SUCLG1: variants seen among roughly 807,000 people sequenced by gnomAD.
The protein encoded by SUCLG1 is succinate--CoA ligase [ADP/GDP-forming] subunit alpha, mitochondrial.
Under a neutral mutation model 37.3 loss-of-function variants are expected in SUCLG1, and 26 were observed. The observed-to-expected ratio is 0.70, with a 90% CI of 0.51 to 0.97. The LOEUF (loss-of-function observed/expected upper bound fraction) is 0.97. Among genes scored for constraint, SUCLG1 ranks in the 50% least tolerant of loss-of-function variants. SUCLG1 has a pLI of 0.00. For synonymous variants in SUCLG1, 163 were observed against 155.6 expected (o/e 1.05, Z -0.36); for missense variants, 433 against 432.9 (o/e 1.00, Z 0.00).
At chr2:84,433,597 G>C (rs1672642113) in intron 5 of SUCLG1, 162 bp from the exon 6 acceptor site, 1 of 668,502 alleles carries the variant, frequency 1.5e-6, no homozygotes, top group African/African-American at 1.8e-5. Flanking sequence ...GAAATGAAAA[G>C]GAAAGGCTTA....
chr2:84,444,188 T>C (rs1398662940), intron 2 of SUCLG1, among the ~76,000 whole-genome samples: 1 of 152,184 alleles, frequency 6.6e-6, no homozygotes, highest in Non-Finnish European at 1.5e-5. Flanking sequence ...TCCTCTTCTC[T>C]TTCTCTCTCC....
chr2:84,455,882 C>T (rs2104271094), intron 1 of SUCLG1, among the ~76,000 whole-genome samples: 1 of 152,042 alleles, frequency 6.6e-6, no homozygotes, highest in East Asian at 1.9e-4. Flanking sequence ...TATGCCAGTC[C>T]CCTGATGAAA....
intron 1 of SUCLG1, among the ~76,000 whole-genome samples, chr2:84,453,760 G>C (rs1330007400): frequency 6.6e-6 from 1 of 152,206 alleles, no homozygotes; most frequent in Non-Finnish European, 1.5e-5. Flanking sequence ...GGAAAGGTGA[G>C]GTTGGCCACC....
chr2:84,454,237 T>C (rs1263834012), intron 1 of SUCLG1, among the ~76,000 whole-genome samples: 2 of 152,248 alleles, frequency 1.3e-5, no homozygotes, highest in Non-Finnish European at 2.9e-5. Context: ...TATATGTTTA[T>C]TTATAAACAT....
chr2:84,441,447 T>C lies in SUCLG1; in HGVS notation c.331A>G (p.Thr111Ala). 1 of 1,614,152 alleles carries C rather than the reference T, an allele frequency of 6.2e-7. No individual in the cohort carries two copies. The highest frequency in any genetic ancestry group is 1.3e-5 in the African/African-American group (1 of 75,048). Residue 111 changes from threonine to alanine, a missense_variant, in exon 4 of 9, where the codon ACA becomes GCA. Physicochemically the swap from Thr to Ala is moderately conservative, Grantham distance 58. Transcript: ENST00000393868. ...FNTVKEAKEQ[T>A]GATASVIYVP... Reference sequence around the variant, plus strand: ...TAAATGACAGAAGCCGTTGCTCCTGTCTGTTCTTTGGCCTGAAACATTAAC... The same window carrying C: ...TAAATGACAGAAGCCGTTGCTCCTGCCTGTTCTTTGGCCTGAAACATTAAC...
chr2:84,429,305 G>T (rs772298319), intron 7 of SUCLG1, among the ~76,000 whole-genome samples: 4 of 152,012 alleles, frequency 2.6e-5, no homozygotes, highest in Non-Finnish European at 5.9e-5. Flanking sequence ...TTCAGAATTG[G>T]GCCCAAATAC....
chr2:84,448,424 A>C (rs1490590121), intron 2 of SUCLG1, among the ~76,000 whole-genome samples: 2 of 151,642 alleles, frequency 1.3e-5, no homozygotes, highest in Non-Finnish European at 2.9e-5. Context: ...CCTTTTGCAG[A>C]ATATGTTTAC....
intron 2 of SUCLG1, among the ~76,000 whole-genome samples, chr2:84,446,728 A>G (rs73942661): frequency 0.011 from 1,691 of 152,294 alleles, 29 homozygotes; most frequent in African/African-American, 0.039. Flanking sequence ...AGGGAGGGGG[A>G]AAATCTAATT....
At chr2:84,448,980 A>G (rs1431462197) in intron 2 of SUCLG1, 1 of 398,114 alleles carries the variant, frequency 2.5e-6, no homozygotes, top group Non-Finnish European at 5.2e-6. Context: ...AAAGGAAAGA[A>G]GATTCTTATG....
intron 5 of SUCLG1, among the ~76,000 whole-genome samples, chr2:84,440,405 G>A (rs1672749887): frequency 6.6e-6 from 1 of 152,126 alleles, no homozygotes; most frequent in African/African-American, 2.4e-5. Flanking sequence ...CCAAATCTTT[G>A]TGAAGATATG....
intron 1 of SUCLG1, chr2:84,458,580 C>A (rs1673072458): frequency 6.6e-6 from 1 of 152,228 alleles, no homozygotes; most frequent in Non-Finnish European, 1.5e-5. Flanking sequence ...GGAGACACTG[C>A]AAATAAGCTG....
chr2:84,449,559 G>T, intron 2 of SUCLG1, 90 bp downstream of exon 2: 1 of 877,120 alleles, frequency 1.1e-6, no homozygotes, highest in Non-Finnish European at 1.8e-6. Context: ...CAACAATCAT[G>T]TGTTATTTTT....
chr2:84,446,214 C>T lies in SUCLG1; in HGVS notation c.202-2814G>A, dbSNP rs1005298689. The stretch of plus-strand genomic sequence containing the variant: ...CCTCCTTTCCCCGGCTTATTTCTTC[C>T]ATAGCAATTATACTTCATAACATAC... On this transcript the variant is annotated intron_variant, in intron 2 of 8. Transcript: ENST00000393868. Among the ~76,000 whole-genome samples, 12 of 152,322 alleles carry T rather than the reference C, an allele frequency of 7.9e-5. 1 individual carries two copies. The Middle Eastern group carries it at 0.014, about 173-fold the overall frequency.
chr2:84,436,516 C>G (rs556878397), intron 5 of SUCLG1, among the ~76,000 whole-genome samples: 2 of 152,136 alleles, frequency 1.3e-5, no homozygotes, highest in Admixed American at 6.5e-5. Flanking sequence ...GCCCTGCCCT[C>G]GAATCTGCCA....
intron 1 of SUCLG1, among the ~76,000 whole-genome samples, chr2:84,453,590 T>C (rs1672976424): frequency 6.6e-6 from 1 of 152,138 alleles, no homozygotes; most frequent in Admixed American, 6.5e-5. Flanking sequence ...AATTTTTTTG[T>C]ACTTTTAGTA....
chr2:84,449,594 T>A, intron 2 of SUCLG1, 55 bp downstream of exon 2: 1 of 1,178,412 alleles, frequency 8.5e-7, no homozygotes, highest in Non-Finnish European at 1.2e-6. Flanking sequence ...AAAAAAATAG[T>A]TAATTTGTTA....
rs748952925 is a variant in SUCLG1, at chr2:84,449,615, C to G, written c.201+34G>C. The G allele has an allele frequency of 2.2e-6, 3 of 1,369,184 alleles. No individual in the cohort carries two copies. In the South Asian group the frequency reaches 3.8e-5, roughly 17 times the overall value. 84.8% of individuals were successfully genotyped at this position (1,369,184 alleles called of 1,614,324 possible). On this transcript the variant is annotated intron_variant, in intron 2 of 8. Coordinates refer to ENST00000393868, the MANE Select transcript of SUCLG1 (RefSeq NM_003849.4). ...ATAGTTAATTTGTTATATCTCTAGT[C>G]TACATTTGAAAATAAAAATCTAGAT...
At chr2:84,444,434 G>A (rs1441835781) in intron 2 of SUCLG1, among the ~76,000 whole-genome samples, 4 of 152,148 alleles carry the variant, frequency 2.6e-5, no homozygotes, top group Non-Finnish European at 5.9e-5. Context: ...CAAAAGGGGA[G>A]GGAGTGTACA....
rs146132398 is a variant in SUCLG1, at chr2:84,452,017, C to T, written c.98-2265G>A. ...ATCATCTGGTACTGAAATGTGAGTT[C>T]GTTCATTGATTCAATCAACATTTGA... On this transcript the variant is annotated intron_variant, in intron 1 of 8. Transcript: ENST00000393868. Among the ~76,000 whole-genome samples the T allele has an allele frequency of 4.1e-3, 631 of 152,224 alleles. 5 individuals carry two copies. Among genetic ancestry groups the T allele is most frequent in the African/African-American group, 0.014 (596 of 41,524 alleles).
Sources: allele counts gnomAD v4.1 joint callset (sites outside exome capture counted in the v4.1 genomes callset), GRCh38; gene constraint gnomAD v4.1.1; transcripts MANE v1.5; gene names NCBI Gene and HGNC (gene_info 2026-07-23, HGNC 2026-07-21).